The following FRY variants were observed in gnomAD, a reference collection of about 807,000 sequenced individuals.
FRY encodes the protein protein furry homolog.
A neutral mutation model predicts 348.4 loss-of-function variants in FRY; 128 were observed. That is an observed-to-expected ratio of 0.37 (90% CI 0.32 to 0.43). The LOEUF (loss-of-function observed/expected upper bound fraction) is 0.43, where lower values mean the gene tolerates loss of function less well. Among genes scored for constraint, FRY ranks in the 20% least tolerant of loss-of-function variants. The probability of loss-of-function intolerance (pLI) is 1.00; values close to 1 mark genes in which losing one functional copy is unlikely to be tolerated. For missense variants in FRY, 2,736 were observed against 3,695.2 expected (o/e 0.74, Z 6.73); for synonymous variants, 1,370 against 1,374.7 (o/e 1.00, Z 0.08).
chr13:32,251,470 A>G (rs1360010144), intron 49 of FRY, among the ~76,000 whole-genome samples: 2 of 152,208 alleles, frequency 1.3e-5, no homozygotes, highest in Non-Finnish European at 1.5e-5. Context: ...AAGATTATCA[A>G]AGGAAGTGAT....
chr13:32,280,890 G>A (rs755616169), intron 58 of FRY, among the ~76,000 whole-genome samples: 14 of 152,120 alleles, frequency 9.2e-5, no homozygotes, highest in Non-Finnish European at 2.1e-4. Flanking sequence ...ACGTATTTCT[G>A]TTGTGCTTGT....
At chr13:32,059,553 T>TG (rs1873821169) in intron 1 of FRY, among the ~76,000 whole-genome samples, 2 of 151,630 alleles carry the variant, frequency 1.3e-5, no homozygotes, top group South Asian at 4.2e-4. Context: ...ATCTTTTTTT[T>TG]GTTATAGATT....
chr13:32,209,231 T>C (rs1421631333), intron 32 of FRY, 122 bp downstream of exon 32: 4 of 1,086,370 alleles, frequency 3.7e-6, no homozygotes, highest in African/African-American at 1.5e-5. Context: ...GGATAAATAG[T>C]GGTGATGGTT....
intron 7 of FRY, among the ~76,000 whole-genome samples, chr13:32,126,085 G>A (rs1300098422): frequency 6.6e-6 from 1 of 152,180 alleles, no homozygotes. Flanking sequence ...TATTTCCATT[G>A]CAATTGAGTA....
intron 43 of FRY, 40 bp downstream of exon 43, chr13:32,236,212 T>C: frequency 1.5e-6 from 2 of 1,354,236 alleles, no homozygotes; most frequent in South Asian, 1.2e-5. Flanking sequence ...TCAAGTATAC[T>C]GCACAGGAGT....
At chr13:32,121,025 T>TG (rs554997468) in intron 4 of FRY, among the ~76,000 whole-genome samples, 40 of 152,364 alleles carry the variant, frequency 2.6e-4, no homozygotes, top group Admixed American at 2.3e-3. Flanking sequence ...ATAGAATGTT[T>TG]GGTTTTCCAT....
intron 7 of FRY, among the ~76,000 whole-genome samples, chr13:32,127,544 A>C (rs754242076): frequency 2.6e-5 from 4 of 152,186 alleles, no homozygotes; most frequent in African/African-American, 7.2e-5. Context: ...TTGGGAGGCC[A>C]AGGTGGGCGG....
At chr13:32,289,095 G>A (rs561974148) in intron 58 of FRY, among the ~76,000 whole-genome samples, 5 of 152,130 alleles carry the variant, frequency 3.3e-5, no homozygotes, top group African/African-American at 1.2e-4. Context: ...TTTTTTCTAA[G>A]CATTTTTGGT....
rs1365142204 is a variant in FRY at position 32,268,501 on chromosome 13, AAAAAATATAT to A, written c.8136+1144_8136+1153del. On this transcript the variant is annotated intron_variant, in intron 55 of 60. Transcript: ENST00000542859. ...AAAGCTAGTTTAAAAAAAAAAAAAA[AAAAAATATAT>A]ATATATATATATATATATATATATA... Among the ~76,000 whole-genome samples, 139 of 16,968 alleles carry A rather than the reference AAAAAATATAT, an allele frequency of 8.2e-3. 1 individual carries two copies. The highest frequency in any genetic ancestry group is 0.019 in the African/African-American group (130 of 6,934). The allele number at this position is 16,968 out of a possible 152,430, so 11.1% of individuals were successfully genotyped here.
chr13:32,151,979 G>A (rs185725205), intron 14 of FRY, among the ~76,000 whole-genome samples: 3 of 152,074 alleles, frequency 2.0e-5, no homozygotes, highest in Non-Finnish European at 4.4e-5. Flanking sequence ...GTATATTCTA[G>A]TTATGAACAA....
intron 40 of FRY, 32 bp downstream of exon 40, chr13:32,228,686 G>A (rs1885744407): frequency 6.3e-6 from 10 of 1,599,774 alleles, no homozygotes; most frequent in Non-Finnish European, 8.6e-6. Context: ...GCTGCTGTTT[G>A]CAGGTTGGTC....
intron 2 of FRY, among the ~76,000 whole-genome samples, chr13:32,088,917 T>G (rs1876066530): frequency 6.6e-6 from 1 of 152,226 alleles, no homozygotes; most frequent in African/African-American, 2.4e-5. Flanking sequence ...GATATGTTCT[T>G]TGTACTATTT....
chr13:32,257,114 T>G (rs372704531), intron 51 of FRY, among the ~76,000 whole-genome samples: 3 of 152,324 alleles, frequency 2.0e-5, no homozygotes, highest in African/African-American at 7.2e-5. Context: ...TTCAAAAATT[T>G]TTAAAAATCT....
intron 35 of FRY, among the ~76,000 whole-genome samples, chr13:32,218,216 T>C (rs1885111571): frequency 6.6e-6 from 1 of 152,178 alleles, no homozygotes. Flanking sequence ...AGGCTTAAAA[T>C]TTTTATCTTT....
Position 32,237,360 on chromosome 13 carries a change from T to C in FRY, c.5811-19T>C. The C allele has an allele frequency of 6.2e-7, 1 of 1,613,030 alleles. No homozygotes were observed. The highest frequency in any genetic ancestry group is 1.7e-4 in the Middle Eastern group (1 of 6,026). ...ACACATGTTGGCATCCTATTAAACT[T>C]ATTTATTTTTATACCCAGCTCTTCC... On this transcript the variant is annotated intron_variant, in intron 43 of 60. Coordinates refer to ENST00000542859, the MANE Select transcript of FRY (RefSeq NM_023037.3). The surrounding 1 kb of genome is among the most constrained non-coding windows in gnomAD (Gnocchi z 6.3).
At chr13:32,033,530 C>T (rs1271059434) in intron 1 of FRY, among the ~76,000 whole-genome samples, 3 of 152,194 alleles carry the variant, frequency 2.0e-5, no homozygotes, top group African/African-American at 7.2e-5. Flanking sequence ...AGTATATATT[C>T]TCTCCACCCT....
At position 32,262,325 on chromosome 13, in the gene FRY, C is replaced by T; in HGVS notation, c.7629C>T (p.Leu2543=). 1 of 1,613,528 alleles carries T rather than the reference C, an allele frequency of 6.2e-7. No individual in the cohort carries two copies. Among genetic ancestry groups the T allele is most frequent in the East Asian group, 2.2e-5 (1 of 44,868 alleles). ...ILEHSDLIMT[L]SPSEETNPME... is the part of the protein sequence containing the mutation. ...TGCTTTTTAAACAGATCATGACTCT[C>T]TCCCCCTCTGAAGAGACGAATCCCA... Residue 2543 remains leucine, a synonymous_variant, in exon 53 of 61, where the codon CTC becomes CTT. Transcript: ENST00000542859.
At chr13:32,186,786 A>G (rs1166921606) in intron 27 of FRY, among the ~76,000 whole-genome samples, 1 of 151,828 alleles carries the variant, frequency 6.6e-6, no homozygotes, top group East Asian at 1.9e-4. Flanking sequence ...CCAGAAATAA[A>G]TTTCCCCCCA....
At chr13:32,224,026 T>G (rs540632469) in intron 36 of FRY, among the ~76,000 whole-genome samples, 2 of 152,058 alleles carry the variant, frequency 1.3e-5, no homozygotes, top group African/African-American at 4.8e-5. Flanking sequence ...CATGAGCCAC[T>G]GTAACCAGCC....
Sources: gnomAD v4.1 joint callset for allele counts (sites outside exome capture counted in the v4.1 genomes callset) on GRCh38, gnomAD v4.1.1 for gene constraint, Gnocchi (gnomAD v3.1) non-coding constraint, MANE v1.5 for transcripts, NCBI Gene and HGNC (gene_info 2026-07-23, HGNC 2026-07-21) for gene names.